Variants in LYPLA1 observed in about 807,000 individuals in gnomAD.
LYPLA1 encodes the protein acyl-protein thioesterase 1.
LYPLA1 carries 17 observed loss-of-function variants against 34.0 expected under a neutral mutation model. That is an observed-to-expected ratio of 0.50 (90% CI 0.34 to 0.75). The LOEUF (loss-of-function observed/expected upper bound fraction) is 0.75, where lower values mean the gene tolerates loss of function less well. LYPLA1 is among the 30% of genes least tolerant of loss of function. LYPLA1 has a pLI of 0.01. For missense variants in LYPLA1, 203 were observed against 288.8 expected, an observed-to-expected ratio of 0.70 and a Z score of 2.15; for synonymous variants, 98 against 100.8, an observed-to-expected ratio of 0.97 and a Z score of 0.17.
At chr8:54,060,639 C>CAGTG (rs975219869) in intron 5 of LYPLA1, among the ~76,000 whole-genome samples, 1 of 151,374 alleles carries the variant, frequency 6.6e-6, no homozygotes, top group Non-Finnish European at 1.5e-5. Flanking sequence ...TGTGCTCAAT[C>CAGTG]AGTGGCACGT....
chr8:54,090,637 G>A (rs916832302), intron 2 of LYPLA1, among the ~76,000 whole-genome samples: 16 of 152,074 alleles, frequency 1.1e-4, no homozygotes, highest in South Asian at 4.1e-4. Context: ...TTGGCACCGC[G>A]GGACCAGAAG....
chr8:54,062,240 T>C lies in LYPLA1; in HGVS notation c.286+14A>G. 6.4e-7 allele frequency: 1 copy of C among 1,561,444 alleles called. No individual in the cohort carries two copies. The highest frequency in any genetic ancestry group is 8.8e-7 in the Non-Finnish European group (1 of 1,140,080). ...AAGAACACTTTTGGCTTTATAAACATTTTCTGTACTTACTATTTTCTGCTG... is the reference window on the plus strand; with the variant it reads ...AAGAACACTTTTGGCTTTATAAACACTTTCTGTACTTACTATTTTCTGCTG... On this transcript the variant is annotated intron_variant, in intron 5 of 8. Transcript: ENST00000316963.
At chr8:54,067,979 G>C (rs1311006662) in intron 2 of LYPLA1, among the ~76,000 whole-genome samples, 1 of 152,032 alleles carries the variant, frequency 6.6e-6, no homozygotes, top group Non-Finnish European at 1.5e-5. Context: ...GAGCCACCAT[G>C]CCCAGCCCCC....
chr8:54,080,930 C>T (rs1808269980), intron 2 of LYPLA1, among the ~76,000 whole-genome samples: 1 of 152,160 alleles, frequency 6.6e-6, no homozygotes, highest in African/African-American at 2.4e-5. Flanking sequence ...GTTATTAATA[C>T]AATAAAACAT....
chr8:54,072,712 C>T (rs1389639593), intron 2 of LYPLA1, among the ~76,000 whole-genome samples: 1 of 151,948 alleles, frequency 6.6e-6, no homozygotes, highest in Admixed American at 6.6e-5. Context: ...GTGGTCGTGG[C>T]TCATGCCTGT....
chr8:54,091,566 GGAAA>G (rs1809270292), intron 2 of LYPLA1, among the ~76,000 whole-genome samples: 2 of 124,352 alleles, frequency 1.6e-5, no homozygotes, highest in Admixed American at 1.8e-4. Flanking sequence ...AAGGAAGGAA[GGAAA>G]GAAAGAAAGA....
intron 2 of LYPLA1, among the ~76,000 whole-genome samples, chr8:54,075,758 TATTTACC>T (rs1471081933): frequency 6.6e-6 from 1 of 152,208 alleles, no homozygotes; most frequent in African/African-American, 2.4e-5. Context: ...CTGATCTCAG[TATTTACC>T]ATAATAAATC....
intron 4 of LYPLA1, 29 bp from the exon 5 acceptor site, chr8:54,062,353 C>T (rs1236746434): frequency 1.4e-6 from 2 of 1,462,746 alleles, no homozygotes; most frequent in Admixed American, 1.9e-5. Flanking sequence ...TCTTTTGATT[C>T]TAAGAAAAAT....
chr8:54,073,761 C>G (rs1433929232), intron 2 of LYPLA1, among the ~76,000 whole-genome samples: 1 of 152,104 alleles, frequency 6.6e-6, no homozygotes, highest in Non-Finnish European at 1.5e-5. Context: ...TTTGCCCTGC[C>G]CTCCCCCAAA....
rs1220997749 is a variant in LYPLA1, at chr8:54,101,878, C to T, written c.-55G>A. ...AGGAAGAGCGGGCGCCCGGCCGCGG[C>T]CCAAGGGCGTGCGAGCGGCGAGTCC... On this transcript the variant is annotated 5_prime_UTR_variant, in exon 1 of 9. Transcript: ENST00000316963. 8.9e-7 allele frequency: 1 copy of T among 1,119,550 alleles called. No homozygotes were observed. Among genetic ancestry groups the T allele is most frequent in the Non-Finnish European group, 1.1e-6 (1 of 887,790 alleles). The allele number at this position is 1,119,550 out of a possible 1,614,324, so 69.4% of individuals were successfully genotyped here.
At chr8:54,067,713 T>G (rs1285606685) in intron 2 of LYPLA1, among the ~76,000 whole-genome samples, 1 of 150,616 alleles carries the variant, frequency 6.6e-6, no homozygotes, top group Non-Finnish European at 1.5e-5. Flanking sequence ...TTTTTTTTTT[T>G]GAGACAGAGT....
intron 5 of LYPLA1, 65 bp downstream of exon 5, chr8:54,062,189 G>T: frequency 8.6e-7 from 1 of 1,158,634 alleles, no homozygotes; most frequent in Non-Finnish European, 1.3e-6. Context: ...GTAGCGATAT[G>T]ATTACTAAAT....
At chr8:54,082,167 T>C (rs1474045698) in intron 2 of LYPLA1, among the ~76,000 whole-genome samples, 6 of 152,190 alleles carry the variant, frequency 3.9e-5, no homozygotes, top group African/African-American at 1.4e-4. Context: ...AGTTAAGCCC[T>C]ACAAACAAGT....
chr8:54,094,341 A>C (rs1353872824), intron 2 of LYPLA1, among the ~76,000 whole-genome samples: 2 of 152,320 alleles, frequency 1.3e-5, no homozygotes, highest in East Asian at 3.9e-4. Flanking sequence ...GATATTCAGC[A>C]GATGGGGAGA....
intron 3 of LYPLA1, 145 bp from the exon 4 acceptor site, chr8:54,063,520 A>T: frequency 1.6e-6 from 1 of 643,970 alleles, no homozygotes. Flanking sequence ...TATTTCATCC[A>T]CACCTGTACA....
In LYPLA1 at chr8:54,046,686, T is replaced by C. The variant is rs927532358; in HGVS notation, c.*1379A>G. 6.6e-6 allele frequency: 1 copy of C among 152,542 alleles called. No individual in the cohort carries two copies. Among genetic ancestry groups the C allele is most frequent in the African/African-American group, 2.4e-5 (1 of 41,468 alleles). The allele number at this position is 152,542 out of a possible 1,614,324, so 9.4% of individuals were successfully genotyped here. ...AGATGCATTCTTAATATTGTTTTGGTCAGCTGGAATACAGCAGAAAAATTA... is the reference window on the plus strand; with the variant it reads ...AGATGCATTCTTAATATTGTTTTGGCCAGCTGGAATACAGCAGAAAAATTA... On this transcript the variant is annotated 3_prime_UTR_variant, in exon 9 of 9. Transcript: ENST00000316963.
At chr8:54,097,207 G>A (rs951486160) in intron 2 of LYPLA1, among the ~76,000 whole-genome samples, 1 of 152,154 alleles carries the variant, frequency 6.6e-6, no homozygotes, top group Non-Finnish European at 1.5e-5. Flanking sequence ...TTAATCAAAA[G>A]ATCGAAGTTA....
At chr8:54,051,521 C>T (rs1366155094) in intron 7 of LYPLA1, among the ~76,000 whole-genome samples, 4 of 152,054 alleles carry the variant, frequency 2.6e-5, no homozygotes, top group East Asian at 1.9e-4. Context: ...GATCTCAGCT[C>T]ACTGCAACCT....
At chr8:54,091,100 G>T (rs534416458) in intron 2 of LYPLA1, among the ~76,000 whole-genome samples, 1 of 152,268 alleles carries the variant, frequency 6.6e-6, no homozygotes, top group Admixed American at 6.5e-5. Context: ...AAACTCCTAG[G>T]CTCAAGCCAT....
Sources: gnomAD v4.1 joint callset for allele counts (sites outside exome capture counted in the v4.1 genomes callset) on GRCh38, gnomAD v4.1.1 for gene constraint, MANE v1.5 for transcripts, NCBI Gene and HGNC (gene_info 2026-07-23, HGNC 2026-07-21) for gene names.